REDIC1: variants seen among roughly 807,000 people sequenced by gnomAD.
REDIC1 encodes HEI10 Interacting Protein 1.
At chr12:39,760,976 A>ACACAC in the REDIC1 span, among the ~76,000 whole-genome samples, 1 of 150,254 alleles carries the variant, frequency 6.7e-6, no homozygotes, top group African/African-American at 2.4e-5. Flanking sequence ...ACACACACAT[A>ACACAC]ATTGAATTGC....
At chr12:39,668,883 A>T in the REDIC1 span, among the ~76,000 whole-genome samples, 2 of 152,006 alleles carry the variant, frequency 1.3e-5, no homozygotes, top group Non-Finnish European at 1.5e-5. Context: ...CGCAGTTCTC[A>T]TGCCTTTGTT....
chr12:39,891,379 T>C, the REDIC1 span, among the ~76,000 whole-genome samples: 3 of 151,910 alleles, frequency 2.0e-5, no homozygotes, highest in Non-Finnish European at 4.4e-5. Context: ...ATTCCTATCC[T>C]TTCACAGAGG....
At chr12:39,689,491 T>A in the REDIC1 span, among the ~76,000 whole-genome samples, 2 of 152,202 alleles carry the variant, frequency 1.3e-5, no homozygotes, top group African/African-American at 4.8e-5. Flanking sequence ...GGCAATTATA[T>A]ATACAGGGCT....
chr12:39,716,807 C>A, the REDIC1 span: 1 of 1,601,184 alleles, frequency 6.2e-7, no homozygotes, highest in Non-Finnish European at 8.5e-7. Context: ...CCAAGACCAA[C>A]AGACAGCTGT....
At chr12:39,879,150 C>T in the REDIC1 span, among the ~76,000 whole-genome samples, 1 of 152,248 alleles carries the variant, frequency 6.6e-6, no homozygotes, top group Non-Finnish European at 1.5e-5. Context: ...GCAGCCTCTG[C>T]CAAGATTTTG....
chr12:39,802,432 A>G, the REDIC1 span: 1 of 152,228 alleles, frequency 6.6e-6, no homozygotes, highest in Non-Finnish European at 1.5e-5. Flanking sequence ...GCACAGAAGT[A>G]AGAGGAATAC....
the REDIC1 span, among the ~76,000 whole-genome samples, chr12:39,677,407 A>G: frequency 6.6e-6 from 1 of 152,284 alleles, no homozygotes; most frequent in Non-Finnish European, 1.5e-5. Context: ...AATCCTAAAT[A>G]CATATGCACC....
At chr12:39,682,572 A>G in the REDIC1 span, 3 of 1,439,614 alleles carry the variant, frequency 2.1e-6, no homozygotes, top group East Asian at 2.3e-5. Context: ...CAAATAATCC[A>G]TGCTTTTCTT....
At chr12:39,745,229 T>G in the REDIC1 span, among the ~76,000 whole-genome samples, 1 of 152,216 alleles carries the variant, frequency 6.6e-6, no homozygotes, top group Non-Finnish European at 1.5e-5. Context: ...TGTCAGTGAT[T>G]AGGCTTAGTT....
chr12:39,785,000 A>T, the REDIC1 span, among the ~76,000 whole-genome samples: 714 of 152,338 alleles, frequency 4.7e-3, 4 homozygotes, highest in African/African-American at 0.016. Flanking sequence ...GAAACAGAAC[A>T]TAAAAGTTAG....
At chr12:39,656,823 A>T in the REDIC1 span, among the ~76,000 whole-genome samples, 4 of 152,178 alleles carry the variant, frequency 2.6e-5, no homozygotes, top group South Asian at 4.1e-4. Context: ...GAAAACATTT[A>T]AAAAAATTTA....
chr12:39,653,538 T>TCTTCTTCTTCTTTTTCTTCTTCTTCTTC, the REDIC1 span, among the ~76,000 whole-genome samples: 1,129 of 66,620 alleles, frequency 0.017, 103 homozygotes, highest in Non-Finnish European at 0.022. Flanking sequence ...TTCTTCTTCT[T>TCTTCTTCTTCTTTTTCTTCTTCTTCTTC]TTTCTTCTTC....
At chr12:39,771,256 G>A in the REDIC1 span, among the ~76,000 whole-genome samples, 2 of 152,156 alleles carry the variant, frequency 1.3e-5, no homozygotes, top group East Asian at 3.9e-4. Flanking sequence ...TGGAGTGTGG[G>A]AGTGACCTTG....
the REDIC1 span, among the ~76,000 whole-genome samples, chr12:39,712,581 A>G: frequency 6.2e-5 from 9 of 144,424 alleles, no homozygotes; most frequent in Non-Finnish European, 1.1e-4. Context: ...ATACGTATAT[A>G]TGTATATACG....
the REDIC1 span, chr12:39,720,878 T>A: frequency 6.2e-7 from 1 of 1,613,240 alleles, no homozygotes; most frequent in Middle Eastern, 1.7e-4. Context: ...AATTTTTATG[T>A]AGAAAGGATG....
chr12:39,777,527 T>C, the REDIC1 span, among the ~76,000 whole-genome samples: 1 of 152,056 alleles, frequency 6.6e-6, no homozygotes, highest in Non-Finnish European at 1.5e-5. Flanking sequence ...CCCATGGACA[T>C]AGGTGAGGAC....
the REDIC1 span, chr12:39,683,062 G>C: frequency 1.2e-6 from 2 of 1,612,982 alleles, no homozygotes; most frequent in East Asian, 4.5e-5. Flanking sequence ...GTATCAGAGA[G>C]AGTATAACAA....
At chr12:39,888,356 C>T in the REDIC1 span, among the ~76,000 whole-genome samples, 2 of 152,216 alleles carry the variant, frequency 1.3e-5, no homozygotes, top group African/African-American at 4.8e-5. Context: ...TCCCGAGCAG[C>T]TGGGACTACA....
At chr12:39,709,232 T>G in the REDIC1 span, among the ~76,000 whole-genome samples, 1 of 151,584 alleles carries the variant, frequency 6.6e-6, no homozygotes, top group African/African-American at 2.4e-5. Flanking sequence ...ATGTGTTTTT[T>G]TTTTTTTTAT....
Sources: gnomAD v4.1 joint callset for allele counts (sites outside exome capture counted in the v4.1 genomes callset) on GRCh38, gnomAD v4.1.1 for gene constraint, MANE v1.5 for transcripts, NCBI Gene and HGNC (gene_info 2026-07-23, HGNC 2026-07-21) for gene names.